The following KTN1 variants were observed in gnomAD, a reference collection of about 807,000 sequenced individuals.
The protein encoded by KTN1 is kinectin 1, also known as kinectin.
In KTN1, 130 loss-of-function variants were observed where a neutral mutation model predicts 222.5. That is an observed-to-expected ratio of 0.58 (90% CI 0.51 to 0.68). The LOEUF is 0.68. Among genes scored for constraint, KTN1 ranks in the 30% least tolerant of loss-of-function variants. KTN1 has a pLI of 0.00. For missense variants in KTN1, 1,508 were observed against 1,500.4 expected (o/e 1.01, Z -0.08); for synonymous variants, 512 against 496.3 (o/e 1.03, Z -0.42).
chr14:55,646,349 T>C (rs1435062790), intron 18 of KTN1, among the ~76,000 whole-genome samples: 2 of 151,098 alleles, frequency 1.3e-5, no homozygotes, highest in African/African-American at 4.8e-5. Context: ...TGTTACACCT[T>C]AGTATAGAAA....
intron 25 of KTN1, among the ~76,000 whole-genome samples, chr14:55,652,622 A>G (rs2043049075): frequency 6.6e-6 from 1 of 152,032 alleles, no homozygotes; most frequent in Non-Finnish European, 1.5e-5. Context: ...GATGGTCTTG[A>G]TCTCCTGACC....
At chr14:55,611,634 CCTT>C (rs2037593932) in intron 1 of KTN1, among the ~76,000 whole-genome samples, 1 of 152,006 alleles carries the variant, frequency 6.6e-6, no homozygotes, top group South Asian at 2.1e-4. Flanking sequence ...AATAGTACCT[CCTT>C]ATTTTCACGT....
chr14:55,582,004 C>G (rs1034693864), intron 1 of KTN1, among the ~76,000 whole-genome samples: 2 of 151,280 alleles, frequency 1.3e-5, no homozygotes, highest in Non-Finnish European at 2.9e-5. Flanking sequence ...AATGTCTCTT[C>G]TAATTTTGTA....
intron 18 of KTN1, among the ~76,000 whole-genome samples, chr14:55,646,470 C>CTTTTCCTTTTCCT (rs1236402496): frequency 2.9e-5 from 1 of 34,292 alleles, no homozygotes; most frequent in African/African-American, 1.3e-4. Context: ...TTTTCCTTTC[C>CTTTTCCTTTTCCT]TTTCCTTTCC....
At chr14:55,621,617 A>G (rs2039139695) in intron 5 of KTN1, among the ~76,000 whole-genome samples, 1 of 152,124 alleles carries the variant, frequency 6.6e-6, no homozygotes, top group Non-Finnish European at 1.5e-5. Flanking sequence ...ACGACCAGGA[A>G]AACAGTATGG....
At chr14:55,601,846 C>T (rs1462498135) in intron 1 of KTN1, 1 of 152,068 alleles carries the variant, frequency 6.6e-6, no homozygotes, top group Non-Finnish European at 1.5e-5. Context: ...AAGTGATTCT[C>T]ATTGCCTCAG....
chr14:55,637,668 TAAA>T (rs904846056), intron 11 of KTN1, 108 bp from the exon 12 acceptor site: 2 of 628,292 alleles, frequency 3.2e-6, no homozygotes, highest in Non-Finnish European at 5.1e-6. Flanking sequence ...AAGAATGCCT[TAAA>T]AAAAAAAAAG....
chr14:55,624,042 T>C (rs1397262562), intron 5 of KTN1, among the ~76,000 whole-genome samples: 1 of 152,202 alleles, frequency 6.6e-6, no homozygotes, highest in Admixed American at 6.5e-5. Flanking sequence ...AGCAAGTGTT[T>C]TGAAACTGTT....
intron 43 of KTN1, chr14:55,683,115 A>G (rs2141450802): frequency 6.6e-6 from 1 of 152,298 alleles, no homozygotes. Flanking sequence ...TCTTATTTCT[A>G]CACTGAACCT....
chr14:55,640,859 T>C, intron 15 of KTN1, 74 bp from the exon 16 acceptor site: 1 of 1,221,900 alleles, frequency 8.2e-7, no homozygotes, highest in Non-Finnish European at 1.2e-6. Flanking sequence ...TTTTAATATG[T>C]AAAAATTAGT....
intron 1 of KTN1, among the ~76,000 whole-genome samples, chr14:55,611,023 CTTGTT>C (rs2037475406): frequency 6.6e-6 from 1 of 152,210 alleles, no homozygotes; most frequent in African/African-American, 2.4e-5. Flanking sequence ...TGCTGTATAA[CTTGTT>C]TTGTGCAGTA....
chr14:55,656,588 C>G (rs1048656169), intron 29 of KTN1, among the ~76,000 whole-genome samples: 1 of 152,020 alleles, frequency 6.6e-6, no homozygotes, highest in Non-Finnish European at 1.5e-5. Flanking sequence ...GCCTTAGCCT[C>G]TAGAGTAGCT....
chr14:55,634,875 G>A (rs2040938753), intron 9 of KTN1, among the ~76,000 whole-genome samples: 1 of 152,104 alleles, frequency 6.6e-6, no homozygotes, highest in Non-Finnish European at 1.5e-5. Context: ...GAAGCAGCAG[G>A]AAGGAGAAAT....
rs1442663385 is a variant in KTN1 at position 55,630,107 on chromosome 14, C to T, written c.1221+10C>T. 2.5e-6 allele frequency: 4 copies of T among 1,609,786 alleles called. No individual in the cohort carries two copies. The South Asian group carries it at 4.4e-5, about 18-fold the overall frequency. ...ACAGATGCAGATGAAGGTATATTTT[C>T]ATTCTTTGGAAACAAGATGAAATGG... is the stretch of plus-strand genomic sequence containing the variant. On this transcript the variant is annotated intron_variant, in intron 7 of 43. Transcript: ENST00000395314.
chr14:55,597,516 A>G (rs1210017384), intron 1 of KTN1, among the ~76,000 whole-genome samples: 1 of 152,220 alleles, frequency 6.6e-6, no homozygotes, highest in African/African-American at 2.4e-5. Flanking sequence ...TGTTTCTTAA[A>G]TAGCAATGAT....
chr14:55,671,805 A>G lies in KTN1; in HGVS notation c.3459A>G (p.Leu1153=), dbSNP rs200879492. The change falls in exon 37 of 44, where the codon CTA becomes CTG. Residue 1153 remains leucine, a synonymous_variant. Coordinates refer to ENST00000395314, the MANE Select transcript of KTN1 (RefSeq NM_001079521.2). ...LAETEGILQK[L]QRSVEQEENK... is the part of the protein sequence containing the mutation. ...TGTAGGAAGGAATTTTACAGAAGCTACAGAGAAGTGTTGAGCAAGAAGAAA... is the reference window on the plus strand; with the variant it reads ...TGTAGGAAGGAATTTTACAGAAGCTGCAGAGAAGTGTTGAGCAAGAAGAAA... The G allele has an allele frequency of 8.7e-6, 14 of 1,610,700 alleles. No individual in the cohort carries two copies. Among genetic ancestry groups the G allele is most frequent in the East Asian group, 2.2e-5 (1 of 44,846 alleles).
chr14:55,623,178 CAT>C (rs1448169906), intron 5 of KTN1, among the ~76,000 whole-genome samples: 1 of 152,276 alleles, frequency 6.6e-6, no homozygotes, highest in African/African-American at 2.4e-5. Flanking sequence ...CAGCATTTAT[CAT>C]AGCACTATAA....
chr14:55,660,869 C>T (rs888405282), intron 31 of KTN1, among the ~76,000 whole-genome samples: 2 of 152,168 alleles, frequency 1.3e-5, no homozygotes, highest in African/African-American at 2.4e-5. Flanking sequence ...GGAGTGGGCC[C>T]ATAGCCCTAG....
At position 55,661,513 on chromosome 14, in the gene KTN1, C is replaced by T. The variant is rs756642693; in HGVS notation, c.3000-9C>T. 4 of 1,485,824 alleles carry T rather than the reference C, an allele frequency of 2.7e-6. No homozygotes were observed. Among genetic ancestry groups the T allele is most frequent in the Non-Finnish European group, 2.8e-6 (3 of 1,064,536 alleles). 92.0% of individuals were successfully genotyped at this position (1,485,824 alleles called of 1,614,324 possible). A position where few individuals can be genotyped will look rare whatever the true frequency, so the allele number is the denominator to read the frequency against. ...AAATCTTGCTACATGTATTCATGTTCTGGTTTAGAATTTCAGAAAGAGAGA... is the reference window on the plus strand; with the variant it reads ...AAATCTTGCTACATGTATTCATGTTTTGGTTTAGAATTTCAGAAAGAGAGA... On this transcript the variant is annotated splice_polypyrimidine_tract_variant and intron_variant, in intron 31 of 43. Coordinates refer to ENST00000395314, the MANE Select transcript of KTN1 (RefSeq NM_001079521.2).
Sources: gnomAD v4.1 joint callset for allele counts (sites outside exome capture counted in the v4.1 genomes callset) on GRCh38, gnomAD v4.1.1 for gene constraint, MANE v1.5 for transcripts, NCBI Gene and HGNC (gene_info 2026-07-23, HGNC 2026-07-21) for gene names.